The following FSIP1 variants were observed in gnomAD, a reference collection of about 807,000 sequenced individuals.
FSIP1 encodes fibrous sheath-interacting protein 1.
FSIP1 carries 65 observed loss-of-function variants against 60.9 expected under a neutral mutation model. The observed-to-expected ratio is 1.07, with a 90% CI of 0.87 to 1.31. The LOEUF (loss-of-function observed/expected upper bound fraction) is 1.31, where lower values mean the gene tolerates loss of function less well. Ranked by LOEUF, FSIP1 falls within the 40% of genes most tolerant of loss-of-function variation. The pLI is 0.00. For missense variants in FSIP1, 675 were observed against 665.5 expected (o/e 1.01, Z -0.16); for synonymous variants, 209 against 221.2 (o/e 0.94, Z 0.49).
At chr15:39,733,116 C>T (rs960092928) in intron 8 of FSIP1, among the ~76,000 whole-genome samples, 6 of 152,106 alleles carry the variant, frequency 3.9e-5, no homozygotes, top group Non-Finnish European at 7.4e-5. Flanking sequence ...CTGCAACTTC[C>T]ACCTCCCATG....
At chr15:39,681,321 G>T (rs1037908649) in intron 10 of FSIP1, among the ~76,000 whole-genome samples, 4 of 152,018 alleles carry the variant, frequency 2.6e-5, no homozygotes, top group African/African-American at 9.7e-5. Flanking sequence ...TCAGCAGGAG[G>T]AGATTATAGA....
At chr15:39,629,294 C>T (rs1891780384) in intron 10 of FSIP1, among the ~76,000 whole-genome samples, 1 of 152,192 alleles carries the variant, frequency 6.6e-6, no homozygotes, top group South Asian at 2.1e-4. Flanking sequence ...CATCTATCAT[C>T]GCCCTCGGAA....
chr15:39,616,063 G>A (rs1488599964), intron 11 of FSIP1, among the ~76,000 whole-genome samples: 1 of 152,028 alleles, frequency 6.6e-6, no homozygotes, highest in Non-Finnish European at 1.5e-5. Flanking sequence ...CCCCACAAAT[G>A]TATATAATTA....
At chr15:39,757,806 CAGT>C (rs1897347617) in intron 5 of FSIP1, among the ~76,000 whole-genome samples, 1 of 152,104 alleles carries the variant, frequency 6.6e-6, no homozygotes, top group Admixed American at 6.6e-5. Flanking sequence ...TTAAGACAGT[CAGT>C]AGCAAGAGTG....
At chr15:39,737,402 C>T (rs969455801) in intron 8 of FSIP1, among the ~76,000 whole-genome samples, 10 of 152,022 alleles carry the variant, frequency 6.6e-5, no homozygotes, top group Non-Finnish European at 1.5e-4. Context: ...AGGAACAGGA[C>T]GGAATTCTTT....
At chr15:39,647,118 G>A (rs1365206554) in intron 10 of FSIP1, among the ~76,000 whole-genome samples, 1 of 152,178 alleles carries the variant, frequency 6.6e-6, no homozygotes, top group Non-Finnish European at 1.5e-5. Flanking sequence ...TAGGAAATGG[G>A]GAGATATACA....
At chr15:39,660,364 T>C (rs1480843879) in intron 10 of FSIP1, among the ~76,000 whole-genome samples, 4 of 152,166 alleles carry the variant, frequency 2.6e-5, no homozygotes, top group Non-Finnish European at 5.9e-5. Context: ...GACATTCAAA[T>C]AAGGCTCAAG....
chr15:39,718,757 A>C (rs1895845924), intron 9 of FSIP1, among the ~76,000 whole-genome samples: 1 of 152,152 alleles, frequency 6.6e-6, no homozygotes, highest in African/African-American at 2.4e-5. Flanking sequence ...TCAGCCTCTC[A>C]AAGTGCTGGG....
At chr15:39,757,032 A>T (rs933970866) in intron 5 of FSIP1, among the ~76,000 whole-genome samples, 3 of 152,118 alleles carry the variant, frequency 2.0e-5, no homozygotes, top group African/African-American at 7.2e-5. Context: ...AAATGCTTTA[A>T]GGCTTTTTAA....
chr15:39,606,284 TA>T (rs1350214184), intron 11 of FSIP1, among the ~76,000 whole-genome samples: 2 of 152,244 alleles, frequency 1.3e-5, no homozygotes, highest in Non-Finnish European at 2.9e-5. Flanking sequence ...TTAGGGGTAT[TA>T]TTTTAAAAAG....
intron 8 of FSIP1, among the ~76,000 whole-genome samples, chr15:39,736,469 C>G (rs1012084411): frequency 5.3e-5 from 8 of 152,186 alleles, no homozygotes; most frequent in African/African-American, 1.9e-4. Context: ...CAGTTGTGAA[C>G]ATTTTACAAG....
intron 11 of FSIP1, among the ~76,000 whole-genome samples, chr15:39,604,468 CAA>C (rs1419867315): frequency 1.3e-5 from 2 of 152,034 alleles, no homozygotes; most frequent in African/African-American, 4.8e-5. Context: ...AGAAAATGAT[CAA>C]CAGCAAATAT....
At chr15:39,717,537 T>C (rs1315632432) in intron 9 of FSIP1, among the ~76,000 whole-genome samples, 2 of 152,230 alleles carry the variant, frequency 1.3e-5, no homozygotes, top group African/African-American at 4.8e-5. Context: ...AGAGCCACTC[T>C]ACTCAGAAGG....
rs187454649 is a variant in FSIP1, at chr15:39,704,333, T to C, written c.1188+9111A>G. 1.1e-4 allele frequency among the ~76,000 whole-genome samples: 17 copies of C among 152,386 alleles called. 1 individual carries two copies. The East Asian group carries it at 1.7e-3, about 16-fold the overall frequency. On this transcript the variant is annotated intron_variant, in intron 10 of 11. Transcript: ENST00000350221. ...TTTTTCCAATTCGGACCTTCATTAA[T>C]GTACGAATGCCAAAGCACACTAGTT...
chr15:39,732,316 C>T (rs1036713588), intron 8 of FSIP1, among the ~76,000 whole-genome samples: 2 of 152,142 alleles, frequency 1.3e-5, no homozygotes, highest in African/African-American at 4.8e-5. Flanking sequence ...GAGAAGATTA[C>T]ATCCATAAAA....
At chr15:39,619,797 G>A (rs1194028362) in intron 10 of FSIP1, among the ~76,000 whole-genome samples, 5 of 152,136 alleles carry the variant, frequency 3.3e-5, no homozygotes, top group Non-Finnish European at 7.4e-5. Flanking sequence ...AGAGCCCGCT[G>A]AGTGTCATCC....
At chr15:39,699,457 C>T (rs1416198918) in intron 10 of FSIP1, among the ~76,000 whole-genome samples, 1 of 152,174 alleles carries the variant, frequency 6.6e-6, no homozygotes, top group African/African-American at 2.4e-5. Flanking sequence ...TATTGAACGT[C>T]CACTTTTTTG....
chr15:39,741,014 G>A (rs1166780830), intron 6 of FSIP1, among the ~76,000 whole-genome samples: 1 of 151,940 alleles, frequency 6.6e-6, no homozygotes, highest in Admixed American at 6.6e-5. Flanking sequence ...ACTACCCATA[G>A]TTAACGTATG....
intron 3 of FSIP1, among the ~76,000 whole-genome samples, chr15:39,769,278 CAAAA>C (rs536401282): frequency 2.3e-5 from 2 of 85,840 alleles, no homozygotes; most frequent in Non-Finnish European, 5.0e-5. Context: ...GACTCCGTCT[CAAAA>C]AAAAAAAAAA....
Sources: gnomAD v4.1 joint callset for allele counts (sites outside exome capture counted in the v4.1 genomes callset) on GRCh38, gnomAD v4.1.1 for gene constraint, MANE v1.5 for transcripts, NCBI Gene and HGNC (gene_info 2026-07-23, HGNC 2026-07-21) for gene names.